Variants in PTPN3 observed in about 807,000 individuals in gnomAD.
PTPN3 encodes protein tyrosine phosphatase non-receptor type 3.
A neutral mutation model predicts 132.7 loss-of-function variants in PTPN3; 96 were observed. The ratio of observed to expected loss-of-function variants is 0.72; its 90% CI spans 0.61 to 0.86. PTPN3 has a LOEUF of 0.86. Among genes scored for constraint, PTPN3 ranks in the 40% least tolerant of loss-of-function variants. PTPN3 has a pLI of 0.00. For synonymous variants in PTPN3, 398 were observed against 429.0 expected (o/e 0.93, Z 0.89); for missense variants, 1,125 against 1,159.6 (o/e 0.97, Z 0.43).
At chr9:109,460,138 C>T (rs187160180) in intron 2 of PTPN3, among the ~76,000 whole-genome samples, 2 of 152,278 alleles carry the variant, frequency 1.3e-5, no homozygotes, top group Admixed American at 1.3e-4. Context: ...CTGTTCTTCC[C>T]ACAGTCTTCC....
Position 109,427,106 on chromosome 9 carries a change from T to A in PTPN3, c.845A>T (p.His282Leu), listed in dbSNP as rs569015635. The change falls in exon 12 of 26, where the codon CAT (histidine) becomes CTT (leucine). Residue 282 changes from histidine (H) to leucine (L), a missense_variant. By Grantham distance (99) the His-to-Leu change is moderately conservative. Coordinates refer to ENST00000374541, the MANE Select transcript of PTPN3 (RefSeq NM_002829.4). Reference protein sequence around the residue: ...QRQKQAESREHIVAFNMLNYR... With the variant: ...QRQKQAESRELIVAFNMLNYR... Reference sequence around the variant, plus strand: ...ATTCAGCATGTTGAAGGCCACAATATGTTCCCTGGATTCAGCCTGGGAGGA... The same window carrying A: ...ATTCAGCATGTTGAAGGCCACAATAAGTTCCCTGGATTCAGCCTGGGAGGA... 3.7e-6 allele frequency: 6 copies of A among 1,614,008 alleles called. No homozygotes were observed. The highest frequency in any genetic ancestry group is 5.1e-6 in the Non-Finnish European group (6 of 1,179,996).
intron 22 of PTPN3, 46 bp from the exon 23 acceptor site, chr9:109,383,597 T>C (rs758206224): frequency 6.2e-7 from 1 of 1,602,144 alleles, no homozygotes; most frequent in Non-Finnish European, 8.5e-7. Context: ...TGTGGGGTGT[T>C]CCTGCAAGCA....
intron 19 of PTPN3, among the ~76,000 whole-genome samples, chr9:109,396,940 A>G (rs1447158587): frequency 2.0e-5 from 3 of 152,190 alleles, no homozygotes; most frequent in Non-Finnish European, 4.4e-5. Context: ...CACACCCCCA[A>G]CTGGCTCTAA....
the PTPN3 span, chr9:109,532,869 A>C: frequency 8.8e-7 from 1 of 1,132,444 alleles, no homozygotes. Flanking sequence ...GAGCGGACTA[A>C]TTCTCAATTA....
At chr9:109,519,776 A>G in the PTPN3 span, among the ~76,000 whole-genome samples, 4 of 152,340 alleles carry the variant, frequency 2.6e-5, no homozygotes, top group South Asian at 2.1e-4. Flanking sequence ...GCACATTTGC[A>G]TCAACGCACT....
At chr9:109,483,238 TC>T (rs1458939920) in intron 1 of PTPN3, among the ~76,000 whole-genome samples, 3 of 152,220 alleles carry the variant, frequency 2.0e-5, no homozygotes, top group Non-Finnish European at 4.4e-5. Context: ...TAGACCATGT[TC>T]CTGGCAATTT....
intron 19 of PTPN3, among the ~76,000 whole-genome samples, chr9:109,398,720 G>C (rs763435779): frequency 2.0e-5 from 3 of 152,198 alleles, no homozygotes; most frequent in East Asian, 1.9e-4. Context: ...GATGAAAATG[G>C]ACACTGGGAT....
At chr9:109,437,241 C>T (rs1844121793) in intron 8 of PTPN3, among the ~76,000 whole-genome samples, 1 of 152,188 alleles carries the variant, frequency 6.6e-6, no homozygotes, top group East Asian at 1.9e-4. Context: ...AGACTGTTAC[C>T]TTTCAGAATC....
intron 22 of PTPN3, among the ~76,000 whole-genome samples, chr9:109,386,860 G>A (rs1839626902): frequency 6.6e-6 from 1 of 152,194 alleles, no homozygotes; most frequent in African/African-American, 2.4e-5. Context: ...TGGACAAGAC[G>A]GGGGCTGGGG....
chr9:109,452,863 C>T (rs879201113), intron 5 of PTPN3, among the ~76,000 whole-genome samples: 4 of 152,116 alleles, frequency 2.6e-5, no homozygotes, highest in Admixed American at 2.6e-4. Flanking sequence ...CATGCCTGGC[C>T]CAGAGTGTGT....
intron 14 of PTPN3, 134 bp downstream of exon 14, chr9:109,420,290 T>C: frequency 1.1e-6 from 1 of 892,298 alleles, no homozygotes; most frequent in Non-Finnish European, 1.6e-6. Flanking sequence ...GTTCTTATCC[T>C]GGCAGAAGGC....
chr9:109,485,268 G>C (rs1469475234), intron 1 of PTPN3, among the ~76,000 whole-genome samples: 1 of 152,182 alleles, frequency 6.6e-6, no homozygotes, highest in African/African-American at 2.4e-5. Context: ...AGCACTTTGG[G>C]AGGCCGAGGC....
At chr9:109,477,497 G>A (rs1470533080) in intron 1 of PTPN3, among the ~76,000 whole-genome samples, 6 of 152,198 alleles carry the variant, frequency 3.9e-5, no homozygotes, top group South Asian at 2.1e-4. Context: ...TGAAGGTCAC[G>A]GTGATTTCAG....
chr9:109,417,449 G>T, intron 14 of PTPN3: 1 of 397,794 alleles, frequency 2.5e-6, no homozygotes, highest in Non-Finnish European at 3.4e-6. Context: ...GCTTCTTTTT[G>T]CCTCTTAACA....
At chr9:109,525,125 C>T in the PTPN3 span, among the ~76,000 whole-genome samples, 3 of 152,176 alleles carry the variant, frequency 2.0e-5, no homozygotes, top group Admixed American at 2.0e-4. Context: ...GATCATGGCT[C>T]ACTGCAACCT....
At chr9:109,397,923 T>TA (rs953407703) in intron 19 of PTPN3, among the ~76,000 whole-genome samples, 2 of 151,958 alleles carry the variant, frequency 1.3e-5, no homozygotes, top group Non-Finnish European at 2.9e-5. Context: ...TTTCTTTCCT[T>TA]AAAAAACAAA....
At chr9:109,504,645 C>A in the PTPN3 span, among the ~76,000 whole-genome samples, 2 of 152,174 alleles carry the variant, frequency 1.3e-5, no homozygotes, top group African/African-American at 4.8e-5. Context: ...GTTTGAAAAA[C>A]ACTCTTTGGG....
At chr9:109,400,703 T>C (rs1165644893) in intron 19 of PTPN3, among the ~76,000 whole-genome samples, 2 of 152,238 alleles carry the variant, frequency 1.3e-5, no homozygotes, top group Non-Finnish European at 2.9e-5. Flanking sequence ...TGTCCAAGAC[T>C]GTGTTCCCTC....
the PTPN3 span, among the ~76,000 whole-genome samples, chr9:109,510,772 G>A: frequency 1.3e-5 from 2 of 151,148 alleles, no homozygotes; most frequent in Admixed American, 1.3e-4. Flanking sequence ...TAAGATAGTG[G>A]TTCTCAAACT....
Sources: gnomAD v4.1 joint callset for allele counts (sites outside exome capture counted in the v4.1 genomes callset) on GRCh38, gnomAD v4.1.1 for gene constraint, MANE v1.5 for transcripts, NCBI Gene and HGNC (gene_info 2026-07-23, HGNC 2026-07-21) for gene names.